RBBP8: variants seen among roughly 807,000 people sequenced by gnomAD.
RBBP8 encodes the protein DNA endonuclease RBBP8.
In RBBP8, 88 loss-of-function variants were observed where a neutral mutation model predicts 108.3. The ratio of observed to expected loss-of-function variants is 0.81; its 90% CI spans 0.68 to 0.97. The LOEUF (loss-of-function observed/expected upper bound fraction) is 0.97, where lower values mean the gene tolerates loss of function less well. RBBP8 is among the 50% of genes least tolerant of loss of function. The pLI is 0.00. For synonymous variants in RBBP8, 332 were observed against 348.2 expected (o/e 0.95, Z 0.52); for missense variants, 1,023 against 1,049.0 (o/e 0.98, Z 0.34).
upstream of RBBP8, among the ~76,000 whole-genome samples, chr18:22,932,498 G>T (rs1283863713): frequency 1.3e-5 from 2 of 152,142 alleles, no homozygotes; most frequent in Non-Finnish European, 2.9e-5. Flanking sequence ...TAAGATGTGG[G>T]ACAGGTGGAA....
chr18:22,980,281 G>C (rs1914810685), intron 6 of RBBP8, among the ~76,000 whole-genome samples: 1 of 152,050 alleles, frequency 6.6e-6, no homozygotes, highest in Non-Finnish European at 1.5e-5. Flanking sequence ...TGAGTAAATT[G>C]CATACTATGT....
chr18:22,972,353 C>CA (rs1168455023), intron 5 of RBBP8, among the ~76,000 whole-genome samples: 14,404 of 55,516 alleles, frequency 0.26, 1,655 homozygotes, highest in African/African-American at 0.37. Flanking sequence ...GACTCCCTCT[C>CA]AAAAAAAAAA....
At chr18:23,018,806 T>C (rs1417431027) in intron 17 of RBBP8, among the ~76,000 whole-genome samples, 1 of 152,228 alleles carries the variant, frequency 6.6e-6, no homozygotes, top group Non-Finnish European at 1.5e-5. Context: ...TTTTACTGAA[T>C]AGTCCCAGGC....
intron 2 of RBBP8, among the ~76,000 whole-genome samples, chr18:22,944,133 G>A (rs1249402256): frequency 1.3e-5 from 2 of 152,044 alleles, no homozygotes; most frequent in African/African-American, 4.8e-5. Flanking sequence ...CACTTTATAG[G>A]GGTTCTAATT....
At chr18:22,985,521 G>A (rs550640498) in intron 8 of RBBP8, among the ~76,000 whole-genome samples, 1 of 152,284 alleles carries the variant, frequency 6.6e-6, no homozygotes, top group Non-Finnish European at 1.5e-5. Flanking sequence ...TTGCAGTGAA[G>A]ATGCCATTTG....
rs780012919 is a variant in RBBP8 at position 22,982,319 on chromosome 18, G to A, written c.530G>A (p.Arg177Gln). 55 of 1,614,026 alleles carry A rather than the reference G, an allele frequency of 3.4e-5. No homozygotes were observed. Among genetic ancestry groups the A allele is most frequent in the Non-Finnish European group, 4.2e-5 (49 of 1,180,014 alleles). ...AFSFSGVNRL[R>Q]RKENPHVRYI... Reference sequence around the variant, plus strand: ...TCATTTTCTGGCGTTAACCGGCTACGAAGAAAGGAGAACCCCCATGTCCGA... The same window carrying A: ...TCATTTTCTGGCGTTAACCGGCTACAAAGAAAGGAGAACCCCCATGTCCGA... Residue 177 changes from arginine to glutamine, a missense_variant, in exon 7 of 19, where the codon CGA (arginine) becomes CAA (glutamine). Arg to Gln is a conservative substitution (Grantham distance 43, BLOSUM62 1). Transcript: ENST00000327155.
At chr18:22,998,702 A>G (rs1282473098) in intron 14 of RBBP8, among the ~76,000 whole-genome samples, 1 of 152,240 alleles carries the variant, frequency 6.6e-6, no homozygotes, top group Admixed American at 6.5e-5. Flanking sequence ...TGCTCAGAGC[A>G]AAAAATAAAA....
At chr18:22,985,039 G>A in intron 8 of RBBP8, 49 bp downstream of exon 8, 1 of 1,605,666 alleles carries the variant, frequency 6.2e-7, no homozygotes, top group African/African-American at 1.3e-5. Context: ...TGTGGTTATT[G>A]GTGGGTAACA....
chr18:22,974,205 C>CTA (rs1468922778), intron 5 of RBBP8, among the ~76,000 whole-genome samples: 1 of 152,192 alleles, frequency 6.6e-6, no homozygotes, highest in Middle Eastern at 3.2e-3. Flanking sequence ...TGACATCATA[C>CTA]TAAGCATTGA....
intron 12 of RBBP8, among the ~76,000 whole-genome samples, 166 bp downstream of exon 12, chr18:22,994,013 TC>T (rs1476998493): frequency 1.6e-5 from 2 of 121,482 alleles, no homozygotes; most frequent in African/African-American, 2.8e-5. Context: ...ATTTTTCTGT[TC>T]TTTTTTTTTT....
chr18:22,929,464 A>AGG (rs1909912730), upstream of RBBP8: 1 of 121,128 alleles, frequency 8.3e-6, no homozygotes, highest in African/African-American at 3.6e-5. Context: ...TTGTTTGGGC[A>AGG]GGTGTGTGTG....
Position 23,016,925 on chromosome 18 carries a change from G to A in RBBP8, c.2454+1G>A. On this transcript the variant is annotated splice_donor_variant, in intron 17 of 18. Coordinates refer to ENST00000327155, the MANE Select transcript of RBBP8 (RefSeq NM_002894.3). LOFTEE classifies it high-confidence loss of function. Reference sequence around the variant, plus strand: ...GCACACGTGTAAGGAATGTGAAATTGTAAGTACTAATGTAGATACTAATTT... The same window carrying A: ...GCACACGTGTAAGGAATGTGAAATTATAAGTACTAATGTAGATACTAATTT... 1 of 1,605,072 alleles carries A rather than the reference G, an allele frequency of 6.2e-7. No homozygotes were observed. Among genetic ancestry groups the A allele is most frequent in the Non-Finnish European group, 8.5e-7 (1 of 1,172,122 alleles).
Position 23,006,403 on chromosome 18 carries a change from T to C in RBBP8, c.2328T>C (p.Phe776=), listed in dbSNP as rs1328876087. The change falls in exon 16 of 19, where the codon TTT becomes TTC. Residue 776 remains phenylalanine, a synonymous_variant. Coordinates refer to ENST00000327155, the MANE Select transcript of RBBP8 (RefSeq NM_002894.3). ...AAGACAAAGTCAAGCAGAAAGCGTTTGTGGAGCCGTATTTTAAAGGTGATG... is the reference window on the plus strand; with the variant it reads ...AAGACAAAGTCAAGCAGAAAGCGTTCGTGGAGCCGTATTTTAAAGGTGATG... ...DKQDKVKQKA[F]VEPYFKGDER... The C allele has an allele frequency of 1.9e-6, 3 of 1,613,776 alleles. No homozygotes were observed. Among genetic ancestry groups the C allele is most frequent in the South Asian group, 1.1e-5 (1 of 91,086 alleles).
intron 3 of RBBP8, among the ~76,000 whole-genome samples, chr18:22,922,216 G>A (rs777474484): frequency 2.6e-5 from 4 of 151,974 alleles, no homozygotes; most frequent in Admixed American, 1.3e-4. Flanking sequence ...AGAAAGCGAA[G>A]GAGAAATAGG....
chr18:23,001,726 C>T lies in RBBP8; in HGVS notation c.2284C>T (p.His762Tyr), dbSNP rs1371210453. ...ATTGTCTACTGCCACAAAGAAACTACACAGTAAGATTTTTTTCTGTTTAAT... is the reference window on the plus strand; with the variant it reads ...ATTGTCTACTGCCACAAAGAAACTATACAGTAAGATTTTTTTCTGTTTAAT... ...EELSTATKKL[H>Y]THGDKQDKVK... The change falls in exon 15 of 19, where the codon CAC (histidine) becomes TAC (tyrosine). Residue 762 changes from histidine to tyrosine, a missense_variant. Transcript: ENST00000327155. 2 of 1,614,122 alleles carry T rather than the reference C, an allele frequency of 1.2e-6. No homozygotes were observed. The highest frequency in any genetic ancestry group is 3.3e-5 in the Admixed American group (2 of 60,022).
At chr18:22,986,043 A>G (rs573156997) in intron 8 of RBBP8, among the ~76,000 whole-genome samples, 1 of 142,330 alleles carries the variant, frequency 7.0e-6, no homozygotes, top group Admixed American at 7.5e-5. Context: ...GATCTACTGT[A>G]TATCTGTTTA....
chr18:22,951,093 A>G (rs1325358860), intron 4 of RBBP8, among the ~76,000 whole-genome samples: 1 of 152,236 alleles, frequency 6.6e-6, no homozygotes, highest in Non-Finnish European at 1.5e-5. Flanking sequence ...ATTGTGGAAT[A>G]AAGACCTGTG....
chr18:22,973,523 A>T (rs1914273965), intron 5 of RBBP8, among the ~76,000 whole-genome samples: 2 of 152,118 alleles, frequency 1.3e-5, no homozygotes, highest in African/African-American at 4.8e-5. Flanking sequence ...ATCCACCTCT[A>T]CATAGGTCCA....
chr18:22,914,895 T>C (rs1768378667), intron 1 of RBBP8, among the ~76,000 whole-genome samples: 1 of 152,192 alleles, frequency 6.6e-6, no homozygotes, highest in African/African-American at 2.4e-5. Context: ...GGTTTTGTCA[T>C]GCCTATTAGG....
Sources: allele counts gnomAD v4.1 joint callset (sites outside exome capture counted in the v4.1 genomes callset), GRCh38; gene constraint gnomAD v4.1.1; transcripts MANE v1.5; gene names NCBI Gene and HGNC (gene_info 2026-07-23, HGNC 2026-07-21).